The following ILRUN variants were observed in gnomAD, a reference collection of about 807,000 sequenced individuals.
The protein encoded by ILRUN is protein ILRUN.
In ILRUN, 3 loss-of-function variants were observed where a neutral mutation model predicts 33.8. The observed-to-expected ratio is 0.09, with a 90% confidence interval of 0.04 to 0.23. The LOEUF (loss-of-function observed/expected upper bound fraction) is 0.23, where lower values mean the gene tolerates loss of function less well. Among genes scored for constraint, ILRUN ranks in the 10% least tolerant of loss-of-function variants. The pLI is 1.00. For missense variants in ILRUN, 210 were observed against 375.1 expected, an observed-to-expected ratio of 0.56 and a Z score of 3.64; for synonymous variants, 124 against 138.9, an observed-to-expected ratio of 0.89 and a Z score of 0.75.
At chr6:34,607,047 CTGCCTGG>C (rs1761648600) in intron 3 of ILRUN, 143 bp from the exon 4 acceptor site, 7 of 662,834 alleles carry the variant, frequency 1.1e-5, no homozygotes, top group African/African-American at 3.6e-5. Context: ...GCTAACAAAG[CTGCCTGG>C]TACATTTGCA....
intron 1 of ILRUN, among the ~76,000 whole-genome samples, chr6:34,662,852 G>GGACT (rs2127371994): frequency 6.6e-6 from 1 of 152,310 alleles, no homozygotes; most frequent in African/African-American, 2.4e-5. Context: ...CAAGGCAGGA[G>GGACT]GACTGCTTGA....
At chr6:34,650,407 T>TTTTTA (rs371474504) in intron 2 of ILRUN, among the ~76,000 whole-genome samples, 9 of 141,496 alleles carry the variant, frequency 6.4e-5, no homozygotes, top group African/African-American at 2.3e-4. Flanking sequence ...ATTTATTTAT[T>TTTTTA]TTTATTTATT....
In ILRUN at chr6:34,683,455, TATATATAC is replaced by T. The variant is rs1562032988; in HGVS notation, c.158+12983_158+12990del. 5.9e-3 allele frequency among the ~76,000 whole-genome samples: 662 copies of T among 112,946 alleles called. 24 individuals carry two copies. Among genetic ancestry groups the T allele is most frequent in the African/African-American group, 0.025 (559 of 22,222 alleles). The allele number at this position is 112,946 out of a possible 152,430, so 74.1% of individuals were successfully genotyped here. ...ATATATATATACATATATATATACATATATATACATATATATACACATATATATATACA... is the reference window on the plus strand; with the variant it reads ...ATATATATATACATATATATATACATATATATATACACATATATATATACA... On this transcript the variant is annotated intron_variant, in intron 1 of 4. Transcript: ENST00000374023.
intron 3 of ILRUN, among the ~76,000 whole-genome samples, chr6:34,620,355 T>C (rs1761988445): frequency 6.6e-6 from 1 of 152,098 alleles, no homozygotes; most frequent in African/African-American, 2.4e-5. Context: ...CAAAAGTACT[T>C]AGCACCATAA....
Position 34,658,831 on chromosome 6 carries a change from T to C in ILRUN, c.159-4052A>G, listed in dbSNP as rs368466999. ...TCAAGAAAAAAAAGACTGTGATCTTTAGAGTCAGCTCCAACTCTTGGCTGT... is the reference window on the plus strand; with the variant it reads ...TCAAGAAAAAAAAGACTGTGATCTTCAGAGTCAGCTCCAACTCTTGGCTGT... On this transcript the variant is annotated intron_variant, in intron 1 of 4. Transcript: ENST00000374023. Among the ~76,000 whole-genome samples, 124 of 152,262 alleles carry C rather than the reference T, an allele frequency of 8.1e-4. 1 individual carries two copies. Among genetic ancestry groups the C allele is most frequent in the African/African-American group, 2.9e-3 (119 of 41,556 alleles).
intron 1 of ILRUN, 89 bp from the exon 2 acceptor site, chr6:34,654,868 G>C (rs896695693): frequency 7.3e-5 from 96 of 1,312,594 alleles, no homozygotes; most frequent in Non-Finnish European, 9.2e-5. Context: ...TGTTTCTTAG[G>C]GTTTGTCACA....
At chr6:34,670,830 G>C (rs1464237663) in intron 1 of ILRUN, among the ~76,000 whole-genome samples, 1 of 140,768 alleles carries the variant, frequency 7.1e-6, no homozygotes, top group African/African-American at 2.7e-5. Flanking sequence ...GGGTGACAGA[G>C]TGAGACCCTG....
At chr6:34,649,812 C>T (rs1762625923) in intron 2 of ILRUN, among the ~76,000 whole-genome samples, 1 of 152,164 alleles carries the variant, frequency 6.6e-6, no homozygotes, top group African/African-American at 2.4e-5. Flanking sequence ...CCATTCCTCC[C>T]TTGTACCTAA....
chr6:34,678,438 G>A (rs1033132137), intron 1 of ILRUN, among the ~76,000 whole-genome samples: 5 of 152,100 alleles, frequency 3.3e-5, no homozygotes, highest in Non-Finnish European at 7.3e-5. Context: ...CTGGGGTTTG[G>A]TATACAAATG....
rs192902653 is a variant in ILRUN, at chr6:34,619,708, T to G, written c.512-12804A>C. Among the ~76,000 whole-genome samples, 21 of 152,200 alleles carry G rather than the reference T, an allele frequency of 1.4e-4. No individual in the cohort carries two copies. In the East Asian group the frequency reaches 4.1e-3, roughly 29 times the overall value. On this transcript the variant is annotated intron_variant, in intron 3 of 4. Coordinates refer to ENST00000374023, the MANE Select transcript of ILRUN (RefSeq NM_024294.4). Reference sequence around the variant, plus strand: ...GATATACATATTAAGTGAAAAAAAGTGGCCAGGCACAGTGGCTCACGCCTG... The same window carrying G: ...GATATACATATTAAGTGAAAAAAAGGGGCCAGGCACAGTGGCTCACGCCTG...
At chr6:34,683,678 A>G (rs1417513993) in intron 1 of ILRUN, among the ~76,000 whole-genome samples, 1 of 151,790 alleles carries the variant, frequency 6.6e-6, no homozygotes, top group African/African-American at 2.4e-5. Flanking sequence ...ACAAATGAGT[A>G]GCCCAAGGGC....
intron 3 of ILRUN, among the ~76,000 whole-genome samples, chr6:34,623,253 CAAAACA>C (rs1257755425): frequency 6.6e-6 from 1 of 152,088 alleles, no homozygotes; most frequent in South Asian, 2.1e-4. Flanking sequence ...CACAATTAAT[CAAAACA>C]AAAACAAAAA....
chr6:34,640,207 G>A (rs1480074508), intron 3 of ILRUN, among the ~76,000 whole-genome samples: 1 of 151,924 alleles, frequency 6.6e-6, no homozygotes, highest in African/African-American at 2.4e-5. Flanking sequence ...TTAGTGGGAG[G>A]AGGCCAGAGG....
chr6:34,619,438 C>T (rs556385935), intron 3 of ILRUN, among the ~76,000 whole-genome samples: 1 of 152,214 alleles, frequency 6.6e-6, no homozygotes, highest in East Asian at 1.9e-4. Flanking sequence ...TCACTGCAGC[C>T]TTGACCTCCT....
At chr6:34,672,218 C>A (rs190790393) in intron 1 of ILRUN, among the ~76,000 whole-genome samples, 1 of 152,046 alleles carries the variant, frequency 6.6e-6, no homozygotes, top group Non-Finnish European at 1.5e-5. Context: ...CTCAGCCTCC[C>A]GAGAACCTGG....
At chr6:34,690,944 G>A (rs1443178809) in intron 1 of ILRUN, among the ~76,000 whole-genome samples, 1 of 152,188 alleles carries the variant, frequency 6.6e-6, no homozygotes, top group Non-Finnish European at 1.5e-5. Context: ...GAGTGCAGTG[G>A]CGTGATCTCG....
intron 2 of ILRUN, among the ~76,000 whole-genome samples, chr6:34,651,577 C>CT (rs1448466953): frequency 6.6e-6 from 1 of 152,100 alleles, no homozygotes; most frequent in African/African-American, 2.4e-5. Context: ...CAACAGTACT[C>CT]TAACAACTTT....
intron 4 of ILRUN, among the ~76,000 whole-genome samples, chr6:34,599,111 C>G (rs1478063149): frequency 6.6e-6 from 1 of 152,232 alleles, no homozygotes; most frequent in Non-Finnish European, 1.5e-5. Flanking sequence ...AGCAACCTCA[C>G]TGTAGTGTGG....
chr6:34,593,084 C>A (rs1303084429), intron 4 of ILRUN, among the ~76,000 whole-genome samples: 1 of 151,996 alleles, frequency 6.6e-6, no homozygotes, highest in Non-Finnish European at 1.5e-5. Flanking sequence ...GAGGCTGAGG[C>A]CAGAGGATCA....
Sources: allele counts gnomAD v4.1 joint callset (sites outside exome capture counted in the v4.1 genomes callset), GRCh38; gene constraint gnomAD v4.1.1; transcripts MANE v1.5; gene names NCBI Gene and HGNC (gene_info 2026-07-23, HGNC 2026-07-21).